ZNF2: variants seen among roughly 807,000 people sequenced by gnomAD.
ZNF2 encodes the protein zinc finger protein 2.2.
ZNF2 carries 12 observed loss-of-function variants against 21.9 expected under a neutral mutation model. The observed-to-expected ratio is 0.55, with a 90% CI of 0.35 to 0.89. ZNF2 has a LOEUF of 0.89. ZNF2 is among the 40% of genes least tolerant of loss of function. ZNF2 has a pLI of 0.01. For synonymous variants in ZNF2, 186 were observed against 196.3 expected (o/e 0.95, Z 0.44); for missense variants, 462 against 544.2 (o/e 0.85, Z 1.50).
rs543588336 is a variant in ZNF2, at chr2:95,176,171, C to T, written c.-39-17C>T. ...TTCTCCTACCTTCTTTCTCACCCCC[C>T]ACTTCTGCCTCATTAGGACTCTGCC... is the stretch of plus-strand genomic sequence containing the variant. On this transcript the variant is annotated splice_polypyrimidine_tract_variant and intron_variant, in intron 1 of 4. Transcript: ENST00000614034. 2.5e-6 allele frequency: 4 copies of T among 1,609,728 alleles called. No homozygotes were observed. Among genetic ancestry groups the T allele is most frequent in the Middle Eastern group, 1.7e-4 (1 of 5,984 alleles).
At chr2:95,167,932 G>A (rs1486590151) in intron 1 of ZNF2, among the ~76,000 whole-genome samples, 1 of 152,050 alleles carries the variant, frequency 6.6e-6, no homozygotes, top group Non-Finnish European at 1.5e-5. Context: ...CTGGAGAAGA[G>A]TAAGTGGTAA....
At chr2:95,181,082 T>A in intron 4 of ZNF2, 21 bp from the exon 5 acceptor site, 2 of 1,600,666 alleles carry the variant, frequency 1.2e-6, no homozygotes, top group Non-Finnish European at 1.7e-6. Context: ...AAAAACTGCA[T>A]CTGTTTTCTG....
At chr2:95,175,155 A>G (rs1484860331) in intron 1 of ZNF2, among the ~76,000 whole-genome samples, 2 of 152,122 alleles carry the variant, frequency 1.3e-5, no homozygotes, top group African/African-American at 4.8e-5. Context: ...GATTACAGAC[A>G]TGTGCCACCG....
At chr2:95,177,383 C>G in intron 2 of ZNF2, 100 bp from the exon 3 acceptor site, 1 of 1,408,790 alleles carries the variant, frequency 7.1e-7, no homozygotes. Flanking sequence ...TTTCTTTCCT[C>G]CCACCATGCG....
At chr2:95,171,126 G>A (rs1229536051) in intron 1 of ZNF2, among the ~76,000 whole-genome samples, 3 of 151,822 alleles carry the variant, frequency 2.0e-5, no homozygotes, top group Non-Finnish European at 4.4e-5. Context: ...TTTATTTAGC[G>A]CTAGTGATTT....
chr2:95,180,667 C>T (rs534866818), intron 4 of ZNF2, among the ~76,000 whole-genome samples: 4 of 152,258 alleles, frequency 2.6e-5, no homozygotes, highest in African/African-American at 9.6e-5. Flanking sequence ...CCCGCTACCA[C>T]GCCTGGATAA....
At chr2:95,174,704 G>A (rs1005423496) in intron 1 of ZNF2, among the ~76,000 whole-genome samples, 5 of 152,164 alleles carry the variant, frequency 3.3e-5, no homozygotes, top group Non-Finnish European at 7.3e-5. Flanking sequence ...GGATTGCTGT[G>A]CATATCGCTT....
intron 1 of ZNF2, among the ~76,000 whole-genome samples, chr2:95,171,793 C>T (rs1674281218): frequency 6.6e-6 from 1 of 152,234 alleles, no homozygotes. Context: ...GGTCTACTCA[C>T]CTCCATTCTT....
intron 1 of ZNF2, among the ~76,000 whole-genome samples, chr2:95,172,419 T>C (rs1261255207): frequency 6.6e-6 from 1 of 152,196 alleles, no homozygotes; most frequent in African/African-American, 2.4e-5. Flanking sequence ...CCACCCTTCT[T>C]TCCTTCCTGT....
intron 1 of ZNF2, among the ~76,000 whole-genome samples, chr2:95,175,403 T>A (rs1674408039): frequency 6.6e-6 from 1 of 152,304 alleles, no homozygotes; most frequent in Admixed American, 6.5e-5. Flanking sequence ...TCACCGCTGA[T>A]GGGACTGCGC....
Position 95,181,675 on chromosome 2 carries a change from A to G in ZNF2, c.847A>G (p.Ser283Gly). The G allele has an allele frequency of 6.2e-7, 1 of 1,614,238 alleles. No homozygotes were observed. The highest frequency in any genetic ancestry group is 8.5e-7 in the Non-Finnish European group (1 of 1,180,050). Reference sequence around the variant, plus strand: ...ACACCAGAGAATTCACACTGGAGAAAGTCCTTATGAATGTCATCAGTGTGG... The same window carrying G: ...ACACCAGAGAATTCACACTGGAGAAGGTCCTTATGAATGTCATCAGTGTGG... The part of the protein sequence containing the change: ...TRHQRIHTGE[S>G]PYECHQCGKA... The change falls in exon 5 of 5, where the codon AGT becomes GGT. Residue 283 changes from serine to glycine, a missense_variant. Physicochemically the swap from Ser to Gly is moderately conservative, Grantham distance 56. Transcript: ENST00000614034.
chr2:95,176,171 C>A lies in ZNF2; in HGVS notation c.-39-17C>A, dbSNP rs543588336. 4.3e-6 allele frequency: 7 copies of A among 1,609,728 alleles called. No homozygotes were observed. In the East Asian group the frequency reaches 8.9e-5, roughly 21 times the overall value. On this transcript the variant is annotated splice_polypyrimidine_tract_variant and intron_variant, in intron 1 of 4. Transcript: ENST00000614034. ...TTCTCCTACCTTCTTTCTCACCCCC[C>A]ACTTCTGCCTCATTAGGACTCTGCC...
In ZNF2 at chr2:95,182,091, A is replaced by G. The variant is rs756015253; in HGVS notation, c.1263A>G (p.Lys421=). Residue 421 remains lysine (K), a synonymous_variant, in exon 5 of 5, where the codon AAA becomes AAG. Coordinates refer to ENST00000614034, the MANE Select transcript of ZNF2 (RefSeq NM_021088.4). ...SVIQHQRRYA[K]QGID ...TTCAACATCAACGGCGTTACGCCAA[A>G]CAGGGAATAGACTGAGTTGGGCAAA... 2.5e-6 allele frequency: 4 copies of G among 1,606,304 alleles called. No homozygotes were observed. Among genetic ancestry groups the G allele is most frequent in the South Asian group, 2.2e-5 (2 of 90,360 alleles).
chr2:95,175,509 C>G (rs1012382059), intron 1 of ZNF2, among the ~76,000 whole-genome samples: 1 of 152,202 alleles, frequency 6.6e-6, no homozygotes, highest in African/African-American at 2.4e-5. Flanking sequence ...CTGCTGGTAA[C>G]TTTGGTTCCC....
At chr2:95,171,943 T>G (rs1483682359) in intron 1 of ZNF2, among the ~76,000 whole-genome samples, 1 of 151,898 alleles carries the variant, frequency 6.6e-6, no homozygotes, top group Non-Finnish European at 1.5e-5. Flanking sequence ...TGGCTAAGAG[T>G]ATGATGATGA....
chr2:95,176,475 C>A (rs1282052306), intron 2 of ZNF2, among the ~76,000 whole-genome samples: 11 of 152,148 alleles, frequency 7.2e-5, no homozygotes, highest in Admixed American at 7.2e-4. Context: ...CTTAACAACT[C>A]CTGGAGCCTT....
At chr2:95,177,738 A>G (rs2104505576) in intron 3 of ZNF2, 129 bp downstream of exon 3, 2 of 1,228,654 alleles carry the variant, frequency 1.6e-6, no homozygotes, top group Non-Finnish European at 1.1e-6. Context: ...TAAGAGTCGA[A>G]AGATGTGGCA....
Position 95,181,124 on chromosome 2 carries a change from T to A in ZNF2, c.296T>A (p.Ile99Asn), listed in dbSNP as rs1396464333. The change falls in exon 5 of 5, where the codon ATT (isoleucine) becomes AAT (asparagine). Residue 99 changes from isoleucine (I) to asparagine (N), a missense_variant. Coordinates refer to ENST00000614034, the MANE Select transcript of ZNF2 (RefSeq NM_021088.4). The stretch of plus-strand genomic sequence containing the variant: ...CCAGACTGGGAAACTAAGCCTGAGA[T>A]TCACGATGCTTCAGACAAAAAATCA... Reference protein sequence around the residue: ...VSLDWETKPEIHDASDKKSEG... With the variant: ...VSLDWETKPENHDASDKKSEG... 2 of 1,613,972 alleles carry A rather than the reference T, an allele frequency of 1.2e-6. No individual in the cohort carries two copies. The highest frequency in any genetic ancestry group is 1.7e-6 in the Non-Finnish European group (2 of 1,179,926).
Position 95,181,765 on chromosome 2 carries a change from T to G in ZNF2, c.937T>G (p.Tyr313Asp). 6.2e-7 allele frequency: 1 copy of G among 1,614,204 alleles called. No homozygotes were observed. The highest frequency in any genetic ancestry group is 1.1e-5 in the South Asian group (1 of 91,088). ...HQLIHTGRKP[Y>D]ECNECGKAFY... ...GCTAATCCACACTGGCAGGAAGCCT[T>G]ATGAGTGTAACGAGTGCGGGAAAGC... The change falls in exon 5 of 5, where the codon TAT becomes GAT. Residue 313 changes from tyrosine to aspartate, a missense_variant. By Grantham distance (160) the Tyr-to-Asp change is radical (BLOSUM62 -3). Coordinates refer to ENST00000614034, the MANE Select transcript of ZNF2 (RefSeq NM_021088.4).
Sources: gnomAD v4.1 joint callset for allele counts (sites outside exome capture counted in the v4.1 genomes callset) on GRCh38, gnomAD v4.1.1 for gene constraint, MANE v1.5 for transcripts, NCBI Gene and HGNC (gene_info 2026-07-23, HGNC 2026-07-21) for gene names.